The following WDR88 variants were observed in gnomAD, a reference collection of about 807,000 sequenced individuals.
The protein encoded by WDR88 is WD repeat-containing protein 88.
Under a neutral mutation model 46.8 loss-of-function variants are expected in WDR88, and 40 were observed. The ratio of observed to expected loss-of-function variants is 0.86; its 90% CI spans 0.66 to 1.11. The LOEUF (loss-of-function observed/expected upper bound fraction) is 1.11. Among genes scored for constraint, WDR88 ranks in the 50% most tolerant of loss-of-function variants. The pLI, the probability that WDR88 is intolerant of heterozygous loss-of-function variation, is 0.00. For synonymous variants in WDR88, 235 were observed against 240.7 expected (o/e 0.98, Z 0.22); for missense variants, 562 against 602.4 (o/e 0.93, Z 0.70).
At chr19:33,137,621 A>T in intron 1 of WDR88, 56 bp from the exon 2 acceptor site, 1 of 1,397,894 alleles carries the variant, frequency 7.2e-7, no homozygotes, top group Non-Finnish European at 1.0e-6. Flanking sequence ...TAACTGTTGT[A>T]CATTGATTTT....
At position 33,136,141 on chromosome 19, in the gene WDR88, C is replaced by T. The variant is rs560706636; in HGVS notation, c.277-1536C>T. On this transcript the variant is annotated intron_variant, in intron 1 of 10. Coordinates refer to ENST00000355868, the MANE Select transcript of WDR88 (RefSeq NM_173479.4). The stretch of plus-strand genomic sequence containing the variant: ...CACGACCTCGGCTCACTGCAACCTC[C>T]GCCTCCCGGGTTCAAGCGATTCTCC... 2.8e-3 allele frequency among the ~76,000 whole-genome samples: 426 copies of T among 151,764 alleles called. 5 individuals carry two copies. Among genetic ancestry groups the T allele is most frequent in the Non-Finnish European group, 1.0e-3 (70 of 67,898 alleles).
chr19:33,142,821 T>A (rs1267268767), intron 2 of WDR88: 1 of 113,784 alleles, frequency 8.8e-6, no homozygotes, highest in Admixed American at 1.3e-4. Context: ...GGCTGGCCAA[T>A]ATGGTGAAAC....
intron 4 of WDR88, among the ~76,000 whole-genome samples, chr19:33,148,468 G>A (rs1397563143): frequency 2.0e-5 from 3 of 152,128 alleles, no homozygotes; most frequent in Admixed American, 6.6e-5. Context: ...ACAGGGTCTT[G>A]CAAGCTCTGT....
intron 9 of WDR88, among the ~76,000 whole-genome samples, chr19:33,168,078 C>T (rs897171687): frequency 1.4e-5 from 2 of 146,614 alleles, no homozygotes; most frequent in African/African-American, 2.5e-5. Flanking sequence ...CCCAGGCTGG[C>T]GTGCAGTGGC....
chr19:33,135,602 G>C (rs1403032435), intron 1 of WDR88, among the ~76,000 whole-genome samples: 1 of 152,116 alleles, frequency 6.6e-6, no homozygotes, highest in African/African-American at 2.4e-5. Context: ...ACTTTTAGTA[G>C]AGACGGGGTT....
Position 33,171,074 on chromosome 19 carries a change from C to G in WDR88, c.1150-1274C>G, listed in dbSNP as rs539816146. On this transcript the variant is annotated intron_variant, in intron 9 of 10. Coordinates refer to ENST00000355868, the MANE Select transcript of WDR88 (RefSeq NM_173479.4). Reference sequence around the variant, plus strand: ...GATCTCGGCTTATTGCAAACTCTGCCTCCCAAGTTTAAGTGATTCTCCTGC... The same window carrying G: ...GATCTCGGCTTATTGCAAACTCTGCGTCCCAAGTTTAAGTGATTCTCCTGC... Among the ~76,000 whole-genome samples the G allele has an allele frequency of 2.0e-5, 3 of 152,206 alleles. No homozygotes were observed. In the East Asian group the frequency reaches 5.8e-4, roughly 29 times the overall value.
chr19:33,157,679 GTATGTATGTATATATATATATATA>G lies in WDR88; in HGVS notation c.997+1141_997+1164del, dbSNP rs1421756738. Among the ~76,000 whole-genome samples the G allele has an allele frequency of 1.1e-3, 105 of 94,194 alleles. 6 individuals carry two copies. The highest frequency in any genetic ancestry group is 1.2e-3 in the Non-Finnish European group (69 of 57,128). 61.8% of individuals were successfully genotyped at this position (94,194 alleles called of 152,430 possible). The stretch of plus-strand genomic sequence containing the variant: ...TATATATGTATGTATGTGTGTGTGT[GTATGTATGTATATATATATATATA>G]TATATATATATATATATATATATAT... On this transcript the variant is annotated intron_variant, in intron 7 of 10. Coordinates refer to ENST00000355868, the MANE Select transcript of WDR88 (RefSeq NM_173479.4).
chr19:33,169,351 G>A (rs940166000), intron 9 of WDR88, among the ~76,000 whole-genome samples: 3 of 152,084 alleles, frequency 2.0e-5, no homozygotes, highest in South Asian at 2.1e-4. Context: ...TCTGATAAGG[G>A]ATTAATATGC....
At chr19:33,151,155 A>G (rs1206238897) in intron 5 of WDR88, 26 bp from the exon 6 acceptor site, 1 of 1,607,078 alleles carries the variant, frequency 6.2e-7, no homozygotes, top group South Asian at 1.1e-5. Flanking sequence ...GCGTGGTCTC[A>G]AGTCCCTTTC....
rs1238290762 is a variant in WDR88 at position 33,132,405 on chromosome 19, C to T, written c.236C>T (p.Pro79Leu). ...CTGTTGCCTGAGAAGCACCAGGTGC[C>T]GGAGAAATTGATCTGGGGCGACCAG... The part of the protein sequence containing the change: ...PHLLPEKHQV[P>L]EKLIWGDQDP... Residue 79 changes from proline to leucine, a missense_variant, in exon 1 of 11, where the codon CCG (proline) becomes CTG (leucine). Physicochemically the swap from Pro to Leu is moderately conservative, Grantham distance 98. Transcript: ENST00000355868. 3.1e-6 allele frequency: 5 copies of T among 1,614,116 alleles called. No homozygotes were observed.
rs1016175774 is a variant in WDR88 at position 33,175,323 on chromosome 19, G to A, written c.1243-73G>A. On this transcript the variant is annotated intron_variant, in intron 10 of 10. Coordinates refer to ENST00000355868, the MANE Select transcript of WDR88 (RefSeq NM_173479.4). ...TTGCCCCAGCTCAAGGTAGCTGGGA[G>A]AATTCTAATGGCATGCCTGGATCAC... The A allele has an allele frequency of 9.4e-6, 14 of 1,482,230 alleles. No individual in the cohort carries two copies. The African/African-American group carries it at 1.7e-4, about 18-fold the overall frequency. The allele number at this position is 1,482,230 out of a possible 1,614,324, so 91.8% of individuals were successfully genotyped here. A position where few individuals can be genotyped will look rare whatever the true frequency, so the allele number is the denominator to read the frequency against.
chr19:33,161,762 C>T (rs530056897), intron 8 of WDR88, among the ~76,000 whole-genome samples: 5 of 151,722 alleles, frequency 3.3e-5, no homozygotes, highest in East Asian at 2.1e-4. Context: ...GTCAGGAGTT[C>T]GAGACCAGCC....
At chr19:33,156,819 A>G (rs1415553891) in intron 7 of WDR88, among the ~76,000 whole-genome samples, 2 of 152,204 alleles carry the variant, frequency 1.3e-5, no homozygotes, top group Non-Finnish European at 2.9e-5. Flanking sequence ...TGGATGGGAC[A>G]AGAGAGTCAA....
chr19:33,151,945 T>C (rs1037027632), intron 6 of WDR88, among the ~76,000 whole-genome samples: 1 of 150,938 alleles, frequency 6.6e-6, no homozygotes, highest in Non-Finnish European at 1.5e-5. Context: ...TTAAAAAAAT[T>C]TTGGGGCTGG....
At chr19:33,167,353 T>C (rs1330497694) in intron 9 of WDR88, among the ~76,000 whole-genome samples, 3 of 151,642 alleles carry the variant, frequency 2.0e-5, no homozygotes, top group Non-Finnish European at 4.4e-5. Flanking sequence ...TTTGAAAAAA[T>C]TCAAAACCCT....
rs566072684 is a variant in WDR88, at chr19:33,159,137, C to T, written c.998-1277C>T. On this transcript the variant is annotated intron_variant, in intron 7 of 10. Coordinates refer to ENST00000355868, the MANE Select transcript of WDR88 (RefSeq NM_173479.4). ...CTTGAACCCAGGAGTTTGAGATCAG[C>T]CTGGGCAACATAGTGAGACCCCATC... 7.3e-5 allele frequency among the ~76,000 whole-genome samples: 11 copies of T among 151,302 alleles called. No individual in the cohort carries two copies. In the East Asian group the frequency reaches 2.1e-3, roughly 30 times the overall value.
At chr19:33,136,137 C>A (rs1444021407) in intron 1 of WDR88, among the ~76,000 whole-genome samples, 2 of 151,916 alleles carry the variant, frequency 1.3e-5, no homozygotes, top group Non-Finnish European at 2.9e-5. Flanking sequence ...CTCACTGCAA[C>A]CTCCGCCTCC....
Position 33,174,842 on chromosome 19 carries a change from G to T in WDR88, c.1243-554G>T, listed in dbSNP as rs891691136. 6.1e-6 allele frequency: 6 copies of T among 985,222 alleles called. No individual in the cohort carries two copies. In the African/African-American group the frequency reaches 7.0e-5, roughly 11 times the overall value. The allele number at this position is 985,222 out of a possible 1,614,324, so 61.0% of individuals were successfully genotyped here. ...AGACATGAGCTGGCAGGAGACATGA[G>T]CTGGCAGGAGACATGAGCTGGCAGG... On this transcript the variant is annotated intron_variant, in intron 10 of 10. Coordinates refer to ENST00000355868, the MANE Select transcript of WDR88 (RefSeq NM_173479.4).
Position 33,137,743 on chromosome 19 carries a change from A to G in WDR88, c.343A>G (p.Thr115Ala). The G allele has an allele frequency of 6.2e-7, 1 of 1,613,882 alleles. No homozygotes were observed. The highest frequency in any genetic ancestry group is 8.5e-7 in the Non-Finnish European group (1 of 1,180,030). The change falls in exon 2 of 11, where the codon ACA becomes GCA. Residue 115 changes from threonine to alanine, a missense_variant. Thr to Ala is a moderately conservative substitution (Grantham distance 58). Coordinates refer to ENST00000355868, the MANE Select transcript of WDR88 (RefSeq NM_173479.4). ...VSTCHFCVDDTKLLSGSYDCT... is the reference protein window; with the variant it reads ...VSTCHFCVDDAKLLSGSYDCT... ...CACCTGCCACTTCTGTGTGGATGACACAAAGCTCCTCAGTGGCTCCTATGA... is the reference window on the plus strand; with the variant it reads ...CACCTGCCACTTCTGTGTGGATGACGCAAAGCTCCTCAGTGGCTCCTATGA...
Sources: gnomAD v4.1 joint callset for allele counts (sites outside exome capture counted in the v4.1 genomes callset) on GRCh38, gnomAD v4.1.1 for gene constraint, MANE v1.5 for transcripts, NCBI Gene and HGNC (gene_info 2026-07-23, HGNC 2026-07-21) for gene names.